The following TTN variants were observed in gnomAD, a reference collection of about 807,000 sequenced individuals.
TTN encodes titin.
A neutral mutation model predicts 3,223.0 loss-of-function variants in TTN; 1,525 were observed. That is an observed-to-expected ratio of 0.47 (90% CI 0.45 to 0.49). TTN has a LOEUF of 0.49. Among genes scored for constraint, TTN ranks in the 20% least tolerant of loss-of-function variants. TTN has a pLI of 0.00. For synonymous variants in TTN, 14,094 were observed against 15,161.0 expected (o/e 0.93, Z 5.17); for missense variants, 40,786 against 43,424.0 (o/e 0.94, Z 5.40).
intron 282 of TTN, 150 bp from the exon 283 acceptor site, chr2:178,602,740 G>C: frequency 1.6e-6 from 1 of 620,476 alleles, no homozygotes; most frequent in Non-Finnish European, 2.4e-6. Context: ...TTCTAGAGAA[G>C]AGAAATAAAG....
chr2:178,619,048 G>C, intron 250 of TTN, 195 bp from the exon 251 acceptor site: 1 of 699,828 alleles, frequency 1.4e-6, no homozygotes, highest in Non-Finnish European at 2.3e-6. Flanking sequence ...AATTAGATTG[G>C]AGAGTAGAGG....
chr2:178,757,486 A>G, intron 45 of TTN, 56 bp downstream of exon 45: 1 of 1,487,876 alleles, frequency 6.7e-7, no homozygotes, highest in South Asian at 1.5e-5. Flanking sequence ...CATTAGTAAC[A>G]GTGGGACTGA....
In TTN at chr2:178,709,869, G is replaced by T. The variant is rs769602661; in HGVS notation, c.28463-13C>A. 6.2e-7 allele frequency: 1 copy of T among 1,602,724 alleles called. No individual in the cohort carries two copies. The highest frequency in any genetic ancestry group is 1.1e-5 in the South Asian group (1 of 89,998). ...GGGATGAGCCGCTCTATAAGAAATTGCAAGGATATATGAAGTAGAAGCTAG... is the reference window on the plus strand; with the variant it reads ...GGGATGAGCCGCTCTATAAGAAATTTCAAGGATATATGAAGTAGAAGCTAG... On this transcript the variant is annotated splice_polypyrimidine_tract_variant and intron_variant, in intron 98 of 362. Transcript: ENST00000589042.
chr2:178,717,712 G>A lies in TTN; in HGVS notation c.25162C>T (p.Pro8388Ser), dbSNP rs727503647. ...AFECRINGSEPLQVSWYKDGV... is the reference protein window; with the variant it reads ...AFECRINGSESLQVSWYKDGV... ...TCCTTGTACCAAGACACTTGAAGAGGTTCTGAGCCATTGATGCGGCATTCA... is the reference window on the plus strand; with the variant it reads ...TCCTTGTACCAAGACACTTGAAGAGATTCTGAGCCATTGATGCGGCATTCA... Residue 8388 changes from proline (P) to serine (S), a missense_variant, in exon 87 of 363, where the codon CCT becomes TCT. Coordinates refer to ENST00000589042, the MANE Select transcript of TTN (RefSeq NM_001267550.2). The A allele has an allele frequency of 3.7e-6, 6 of 1,613,412 alleles. No homozygotes were observed. The Admixed American group carries it at 1.0e-4, about 27-fold the overall frequency.
intron 288 of TTN, 134 bp downstream of exon 288, chr2:178,600,720 T>A (rs1165139403): frequency 1.1e-5 from 11 of 993,360 alleles, no homozygotes; most frequent in Non-Finnish European, 1.7e-5. Flanking sequence ...AATTAAGTAA[T>A]GTGCCCATGT....
rs727503600 is a variant in TTN at position 178,601,712 on chromosome 2, T to C, written c.55378A>G (p.Thr18460Ala). The C allele has an allele frequency of 6.6e-5, 106 of 1,609,554 alleles. No homozygotes were observed. Among genetic ancestry groups the C allele is most frequent in the Admixed American group, 5.1e-4 (30 of 59,328 alleles). The change falls in exon 286 of 363, where the codon ACA (threonine) becomes GCA (alanine). Residue 18460 changes from threonine to alanine, a missense_variant. Transcript: ENST00000589042. Reference sequence around the variant, plus strand: ...TTTTGTCCTGCTTTATTCTTGGCTGTGATGCTGTATTTGCCTGTATGAGAT... The same window carrying C: ...TTTTGTCCTGCTTTATTCTTGGCTGCGATGCTGTATTTGCCTGTATGAGAT... The part of the protein sequence containing the change: ...KRSHTGKYSI[T>A]AKNKAGQKTA...
rs1298324845 is a variant in TTN, at chr2:178,695,289, A to G, written c.31270+59T>C. 5 of 1,397,614 alleles carry G rather than the reference A, an allele frequency of 3.6e-6. No individual in the cohort carries two copies. The African/African-American group carries it at 5.7e-5, about 16-fold the overall frequency. The allele number at this position is 1,397,614 out of a possible 1,614,324, so 86.6% of individuals were successfully genotyped here. A position where few individuals can be genotyped will look rare whatever the true frequency, so the allele number is the denominator to read the frequency against. On this transcript the variant is annotated intron_variant, in intron 115 of 362. Coordinates refer to ENST00000589042, the MANE Select transcript of TTN (RefSeq NM_001267550.2). ...ACTGCTGATTTATACATTGCTGCCA[A>G]ACAAGCCATGATAATGATGTTGATG...
Position 178,646,104 on chromosome 2 carries a change from TTATATATATATATATATATATA to T in TTN, c.40298-96_40298-75del, listed in dbSNP as rs71023450. The T allele has an allele frequency of 3.9e-3, 149 of 37,920 alleles. 1 individual carries two copies. Among genetic ancestry groups the T allele is most frequent in the East Asian group, 0.032 (61 of 1,936 alleles). 2.3% of individuals were successfully genotyped at this position (37,920 alleles called of 1,614,324 possible). ...GGATATGTAGTATATTTAATAGAAA[TTATATATATATATATATATATA>T]TATATATATATATATATATATGAAG... On this transcript the variant is annotated intron_variant, in intron 216 of 362. Coordinates refer to ENST00000589042, the MANE Select transcript of TTN (RefSeq NM_001267550.2).
chr2:178,806,671 G>A (rs2094334173), intron 1 of TTN, among the ~76,000 whole-genome samples: 1 of 152,160 alleles, frequency 6.6e-6, no homozygotes, highest in Non-Finnish European at 1.5e-5. Context: ...GGGGCTGAAG[G>A]TATGCGTCTA....
rs181572813 is a variant in TTN at position 178,558,390 on chromosome 2, C to T, written c.87069G>A (p.Leu29023=). Residue 29023 remains leucine, a synonymous_variant, in exon 327 of 363, where the codon CTG becomes CTA. Transcript: ENST00000589042. ...FRVFAENQAG[L]SDPRELLLPV... is the part of the protein sequence containing the mutation. ...GAAGCAGAAGCTCTCTCGGGTCACT[C>T]AGGCCAGCTTGATTTTCAGCAAACA... is the stretch of plus-strand genomic sequence containing the variant. 1.2e-6 allele frequency: 2 copies of T among 1,613,708 alleles called. No individual in the cohort carries two copies. Among genetic ancestry groups the T allele is most frequent in the African/African-American group, 2.7e-5 (2 of 75,048 alleles).
Position 178,677,734 on chromosome 2 carries a change from G to C in TTN, c.34178C>G (p.Pro11393Arg). 1 of 1,612,924 alleles carries C rather than the reference G, an allele frequency of 6.2e-7. No individual in the cohort carries two copies. The highest frequency in any genetic ancestry group is 8.5e-7 in the Non-Finnish European group (1 of 1,179,240). Residue 11393 changes from proline to arginine, a missense_variant, in exon 146 of 363, where the codon CCT becomes CGT. Coordinates refer to ENST00000589042, the MANE Select transcript of TTN (RefSeq NM_001267550.2). ...TTCGGGAGGAACTTCCTCTTCCTCA[G>C]GTGGAATTTCCTCTTCTTCAGGTAG... ...EVLPEEEEIP[P>R]EEEEVPPEEE...
chr2:178,711,322 C>T lies in TTN; in HGVS notation c.27914G>A (p.Arg9305Gln), dbSNP rs397517527. Residue 9305 changes from arginine (R) to glutamine (Q), a missense_variant, in exon 97 of 363, where the codon CGA (arginine) becomes CAA (glutamine). Coordinates refer to ENST00000589042, the MANE Select transcript of TTN (RefSeq NM_001267550.2). ...TGTTTCTTGAACATCTCTCAATTGTCGAGAAAATGATGGTGGAAGTTTTTG... is the reference window on the plus strand; with the variant it reads ...TGTTTCTTGAACATCTCTCAATTGTTGAGAAAATGATGGTGGAAGTTTTTG... ...QEQKLPPSFS[R>Q]QLRDVQETVG... 4.2e-5 allele frequency: 67 copies of T among 1,606,048 alleles called. 1 individual carries two copies. The Admixed American group carries it at 8.4e-4, about 20-fold the overall frequency.
At position 178,610,326 on chromosome 2, in the gene TTN, G is replaced by A; in HGVS notation, c.51200C>T (p.Thr17067Ile). The A allele has an allele frequency of 1.2e-6, 2 of 1,612,828 alleles. No homozygotes were observed. Among genetic ancestry groups the A allele is most frequent in the African/African-American group, 1.3e-5 (1 of 74,948 alleles). Reference protein sequence around the residue: ...SDITKSSCKLTWEPPEFDGGT... With the variant: ...SDITKSSCKLIWEPPEFDGGT... ...ACCATCAAATTCTGGAGGTTCCCAA[G>A]TTAACTTACAAGAACTCTTGGTAAT... is the stretch of plus-strand genomic sequence containing the variant. The change falls in exon 271 of 363, where the codon ACT becomes ATT. Residue 17067 changes from threonine (T) to isoleucine (I), a missense_variant. Thr to Ile is a moderately conservative substitution (Grantham distance 89). Transcript: ENST00000589042.
rs1688609987 is a variant in TTN at position 178,530,467 on chromosome 2, T to C, written c.106148A>G (p.His35383Arg). The C allele has an allele frequency of 6.2e-7, 1 of 1,613,902 alleles. No homozygotes were observed. Among genetic ancestry groups the C allele is most frequent in the Non-Finnish European group, 8.5e-7 (1 of 1,179,882 alleles). ...QFMGQAFKSI[H>R]EKVSKISETK... ...TTCTGATATTTTTGATACCTTCTCA[T>C]GGATACTCTTAAAGGCTTGCCCCAT... Residue 35383 changes from histidine to arginine, a missense_variant, in exon 358 of 363, where the codon CAT (histidine) becomes CGT (arginine). His to Arg is a conservative substitution (Grantham distance 29). Transcript: ENST00000589042.
chr2:178,763,491 A>C (rs758306754), intron 43 of TTN, among the ~76,000 whole-genome samples: 2 of 152,012 alleles, frequency 1.3e-5, no homozygotes, highest in Non-Finnish European at 2.9e-5. Flanking sequence ...GCAACCATCC[A>C]CTCTTGTTTT....
chr2:178,706,498 C>T lies in TTN; in HGVS notation c.29376G>A (p.Lys9792=), dbSNP rs1560529237. The T allele has an allele frequency of 6.2e-7, 1 of 1,613,672 alleles. No individual in the cohort carries two copies. The highest frequency in any genetic ancestry group is 1.3e-5 in the African/African-American group (1 of 75,032). Residue 9792 remains lysine, a synonymous_variant, in exon 102 of 363, where the codon AAG becomes AAA. Coordinates refer to ENST00000589042, the MANE Select transcript of TTN (RefSeq NM_001267550.2). ...SNVNLQVDER[K]KQEKIEGDLR... ...GATCGCCTTCAATTTTCTCTTGTTT[C>T]TTCCTTTCATCCACCTGTAAGTTAA...
At chr2:178,796,944 A>C (rs2093800683) in intron 6 of TTN, among the ~76,000 whole-genome samples, 1 of 152,224 alleles carries the variant, frequency 6.6e-6, no homozygotes. Flanking sequence ...AGATTAAACT[A>C]TGAGATATTT....
rs772053966 is a variant in TTN at position 178,625,291 on chromosome 2, C to T, written c.44530G>A (p.Ala14844Thr). The T allele has an allele frequency of 1.0e-5, 16 of 1,605,872 alleles. No individual in the cohort carries two copies. The highest frequency in any genetic ancestry group is 5.1e-5 in the Admixed American group (3 of 58,930). The stretch of plus-strand genomic sequence containing the variant: ...TAATTACCTTTCACAAAGAGGTTGG[C>T]GTGAGTTTTGAAATCTTTTGCTGTT... ...QLTAKDFKTH[A>T]NLFVKEPPVE... is the part of the protein sequence containing the mutation. The change falls in exon 241 of 363, where the codon GCC becomes ACC. Residue 14844 changes from alanine to threonine, a missense_variant. Transcript: ENST00000589042.
chr2:178,551,257 G>A lies in TTN; in HGVS notation c.91274C>T (p.Pro30425Leu). The A allele has an allele frequency of 1.9e-6, 3 of 1,607,038 alleles. No homozygotes were observed. Among genetic ancestry groups the A allele is most frequent in the South Asian group, 2.2e-5 (2 of 89,452 alleles). ...KFTLAVSPVD[P>L]PGTPDYIDVT... Reference sequence around the variant, plus strand: ...ATCAATGTAGTCAGGAGTGCCAGGTGGGTCTAAAAAATTATAAGGAAGGTA... The same window carrying A: ...ATCAATGTAGTCAGGAGTGCCAGGTAGGTCTAAAAAATTATAAGGAAGGTA... The change falls in exon 336 of 363, where the codon CCA becomes CTA. Residue 30425 changes from proline (P) to leucine (L), a missense_variant. Physicochemically the swap from Pro to Leu is moderately conservative, Grantham distance 98. Coordinates refer to ENST00000589042, the MANE Select transcript of TTN (RefSeq NM_001267550.2).
Sources: gnomAD v4.1 joint callset for allele counts (sites outside exome capture counted in the v4.1 genomes callset) on GRCh38, gnomAD v4.1.1 for gene constraint, MANE v1.5 for transcripts, NCBI Gene and HGNC (gene_info 2026-07-23, HGNC 2026-07-21) for gene names.